VAMP8: variants seen among roughly 807,000 people sequenced by gnomAD.
The protein encoded by VAMP8 is vesicle associated membrane protein 8.
A neutral mutation model predicts 11.4 loss-of-function variants in VAMP8; 9 were observed. That is an observed-to-expected ratio of 0.79 (90% CI 0.48 to 1.38). VAMP8 has a LOEUF of 1.38. Ranked by LOEUF, VAMP8 falls within the 40% of genes most tolerant of loss-of-function variation. The probability of loss-of-function intolerance (pLI) is 0.00; values close to 1 mark genes in which losing one functional copy is unlikely to be tolerated. For synonymous variants in VAMP8, 42 were observed against 44.7 expected, an observed-to-expected ratio of 0.94 and a Z score of 0.24; for missense variants, 108 against 127.8, an observed-to-expected ratio of 0.85 and a Z score of 0.75.
chr2:85,581,487 G>C (rs1672377897), intron 2 of VAMP8, 89 bp from the exon 3 acceptor site: 5 of 1,380,928 alleles, frequency 3.6e-6, no homozygotes, highest in Non-Finnish European at 4.9e-6. Flanking sequence ...AAAAAAAAAA[G>C]TATGGCCTGT....
chr2:85,581,236 T>C (rs1167370292), intron 2 of VAMP8, among the ~76,000 whole-genome samples: 1 of 152,032 alleles, frequency 6.6e-6, no homozygotes, highest in East Asian at 1.9e-4. Context: ...TCCCAGCACT[T>C]TGGGAGGCCA....
At chr2:85,579,706 CA>C in intron 2 of VAMP8, 1 of 1,547,708 alleles carries the variant, frequency 6.5e-7, no homozygotes, top group Non-Finnish European at 8.7e-7. Context: ...ATATCTCCCA[CA>C]CATCTTGCTA....
At chr2:85,580,900 C>T (rs1040834864) in intron 2 of VAMP8, among the ~76,000 whole-genome samples, 19 of 151,752 alleles carry the variant, frequency 1.3e-4, no homozygotes, top group African/African-American at 4.1e-4. Context: ...AACTACTGAC[C>T]TCAGGTGATC....
At chr2:85,579,958 ATTT>A (rs373965843) in intron 2 of VAMP8, 230 of 1,186,276 alleles carry the variant, frequency 1.9e-4, no homozygotes, top group Middle Eastern at 5.9e-4. Context: ...GGCCCCGGGA[ATTT>A]TTTTTTTTTT....
At chr2:85,581,087 G>A (rs546549090) in intron 2 of VAMP8, among the ~76,000 whole-genome samples, 26 of 152,274 alleles carry the variant, frequency 1.7e-4, no homozygotes, top group Non-Finnish European at 3.4e-4. Flanking sequence ...AGGCTGAGGT[G>A]GGAGGATTGC....
intron 2 of VAMP8, among the ~76,000 whole-genome samples, chr2:85,581,288 T>C (rs1250521303): frequency 2.6e-5 from 4 of 152,152 alleles, no homozygotes; most frequent in Middle Eastern, 3.2e-3. Context: ...AAGACCAGCC[T>C]GGCCAACATG....
intron 1 of VAMP8, among the ~76,000 whole-genome samples, chr2:85,578,788 T>C (rs991892161): frequency 3.3e-5 from 5 of 152,316 alleles, no homozygotes; most frequent in African/African-American, 1.2e-4. Context: ...CCAAAAGAAG[T>C]TTGATCTAGT....
At chr2:85,579,660 G>T (rs1672336268) in intron 2 of VAMP8, 1 of 1,501,614 alleles carries the variant, frequency 6.7e-7, no homozygotes, top group South Asian at 1.3e-5. Context: ...GAAATGCTTT[G>T]ATCCCAGGGT....
At chr2:85,578,469 T>A (rs938648074) in intron 1 of VAMP8, among the ~76,000 whole-genome samples, 4 of 152,198 alleles carry the variant, frequency 2.6e-5, no homozygotes, top group African/African-American at 9.7e-5. Context: ...CTTGGTTGCC[T>A]GTTGTTCTGG....
chr2:85,581,505 A>C (rs1573346823), intron 2 of VAMP8, 71 bp from the exon 3 acceptor site: 1 of 1,571,710 alleles, frequency 6.4e-7, no homozygotes, highest in Non-Finnish European at 8.6e-7. Flanking sequence ...TGTGGGCTGC[A>C]CTTGTACTCT....
rs778808980 is a variant in VAMP8, at chr2:85,578,994, C to CTGT, written c.4-15_4-14insTGT. ...CCCCACCACTTGGTCTAATTAACCCCGTGTTGCCGCACAGGAGGAAGCCAG... is the reference window on the plus strand; with the variant it reads ...CCCCACCACTTGGTCTAATTAACCCCTGTGTGTTGCCGCACAGGAGGAAGCCAG... On this transcript the variant is annotated splice_polypyrimidine_tract_variant and intron_variant, in intron 1 of 2. Coordinates refer to ENST00000263864, the MANE Select transcript of VAMP8 (RefSeq NM_003761.5). 1.3e-6 allele frequency: 2 copies of CTGT among 1,594,832 alleles called. No individual in the cohort carries two copies. The highest frequency in any genetic ancestry group is 1.1e-5 in the South Asian group (1 of 88,260).
chr2:85,580,433 C>T (rs1184127553), intron 2 of VAMP8, among the ~76,000 whole-genome samples: 2 of 152,032 alleles, frequency 1.3e-5, no homozygotes, highest in African/African-American at 2.4e-5. Context: ...GAGCCTGCAC[C>T]CCTCAGTCCC....
chr2:85,579,872 T>C, intron 2 of VAMP8: 1 of 1,550,510 alleles, frequency 6.4e-7, no homozygotes. Flanking sequence ...TCTTGGCTCT[T>C]GGGTATTGCT....
Position 85,581,623 on chromosome 2 carries a change from G to T in VAMP8, c.210G>T (p.Trp70Cys). 1 of 1,614,172 alleles carries T rather than the reference G, an allele frequency of 6.2e-7. No homozygotes were observed. Among genetic ancestry groups the T allele is most frequent in the South Asian group, 1.1e-5 (1 of 91,082 alleles). Reference protein sequence around the residue: ...TTSQKVARKFWWKNVKMIVLI... With the variant: ...TTSQKVARKFCWKNVKMIVLI... ...CGCAGAAGGTGGCTCGAAAATTCTGGTGGAAGAACGTGAAGATGATTGTCC... is the reference window on the plus strand; with the variant it reads ...CGCAGAAGGTGGCTCGAAAATTCTGTTGGAAGAACGTGAAGATGATTGTCC... Residue 70 changes from tryptophan (W) to cysteine (C), a missense_variant, in exon 3 of 3, where the codon TGG becomes TGT. Coordinates refer to ENST00000263864, the MANE Select transcript of VAMP8 (RefSeq NM_003761.5).
chr2:85,579,680 G>A, intron 2 of VAMP8: 2 of 1,528,706 alleles, frequency 1.3e-6, no homozygotes, highest in Middle Eastern at 1.7e-4. Context: ...TCCCCTGCTA[G>A]ATGAAGGCTA....
Position 85,581,625 on chromosome 2 carries a change from G to T in VAMP8, c.212G>T (p.Trp71Leu). 6.2e-7 allele frequency: 1 copy of T among 1,614,164 alleles called. No homozygotes were observed. Among genetic ancestry groups the T allele is most frequent in the Non-Finnish European group, 8.5e-7 (1 of 1,180,044 alleles). ...TSQKVARKFW[W>L]KNVKMIVLIC... Reference sequence around the variant, plus strand: ...CAGAAGGTGGCTCGAAAATTCTGGTGGAAGAACGTGAAGATGATTGTCCTT... The same window carrying T: ...CAGAAGGTGGCTCGAAAATTCTGGTTGAAGAACGTGAAGATGATTGTCCTT... Residue 71 changes from tryptophan (W) to leucine (L), a missense_variant, in exon 3 of 3, where the codon TGG becomes TTG. Transcript: ENST00000263864.
intron 1 of VAMP8, among the ~76,000 whole-genome samples, chr2:85,577,952 A>G (rs1573344785): frequency 6.6e-6 from 1 of 152,134 alleles, no homozygotes; most frequent in East Asian, 1.9e-4. Flanking sequence ...TTCCTCCTCC[A>G]GGGAGCCCGA....
chr2:85,581,558 C>T lies in VAMP8; in HGVS notation c.163-18C>T, dbSNP rs756054198. ...GGGAGGAGCCACTGGGTCACTCACT[C>T]TGCCTTTTCCCCAACAGTCTGAGCA... On this transcript the variant is annotated intron_variant, in intron 2 of 2. Coordinates refer to ENST00000263864, the MANE Select transcript of VAMP8 (RefSeq NM_003761.5). 4 of 1,613,782 alleles carry T rather than the reference C, an allele frequency of 2.5e-6. No individual in the cohort carries two copies. Among genetic ancestry groups the T allele is most frequent in the Non-Finnish European group, 3.4e-6 (4 of 1,179,916 alleles).
intron 2 of VAMP8, chr2:85,579,645 G>A (rs931018758): frequency 1.2e-5 from 18 of 1,476,984 alleles, no homozygotes; most frequent in Non-Finnish European, 1.4e-5. Flanking sequence ...GGGGGAAAGA[G>A]CAGTGAAATG....
Sources: allele counts gnomAD v4.1 joint callset (sites outside exome capture counted in the v4.1 genomes callset), GRCh38; gene constraint gnomAD v4.1.1; transcripts MANE v1.5; gene names NCBI Gene and HGNC (gene_info 2026-07-23, HGNC 2026-07-21).